Variants in NDUFA8 observed in about 807,000 individuals in gnomAD.
NDUFA8 encodes NADH dehydrogenase [ubiquinone] 1 alpha subcomplex subunit 8.
Under a neutral mutation model 20.9 loss-of-function variants are expected in NDUFA8, and 16 were observed. The observed-to-expected ratio is 0.77, with a 90% confidence interval of 0.52 to 1.16. The LOEUF is 1.16. Among genes scored for constraint, NDUFA8 ranks in the 50% most tolerant of loss-of-function variants. The pLI, the probability that NDUFA8 is intolerant of heterozygous loss-of-function variation, is 0.00. For missense variants in NDUFA8, 202 were observed against 216.4 expected, an observed-to-expected ratio of 0.93 and a Z score of 0.42; for synonymous variants, 70 against 76.1, an observed-to-expected ratio of 0.92 and a Z score of 0.41.
downstream of NDUFA8, among the ~76,000 whole-genome samples, chr9:122,141,775 A>T (rs1828824226): frequency 6.6e-6 from 1 of 152,150 alleles, no homozygotes; most frequent in Admixed American, 6.5e-5. Context: ...TTGTTGTGAG[A>T]GACTTAAGAA....
intron 3 of NDUFA8, among the ~76,000 whole-genome samples, chr9:122,146,785 A>G (rs1828910352): frequency 6.6e-6 from 1 of 152,230 alleles, no homozygotes; most frequent in African/African-American, 2.4e-5. Context: ...AGTCCCAGCT[A>G]CTTGGGAGGC....
At chr9:122,149,606 A>C (rs1828960346) in intron 2 of NDUFA8, among the ~76,000 whole-genome samples, 1 of 152,222 alleles carries the variant, frequency 6.6e-6, no homozygotes, top group Non-Finnish European at 1.5e-5. Flanking sequence ...TTCCCCGCTT[A>C]AAATGTACTA....
chr9:122,137,500 C>G, the NDUFA8 span, among the ~76,000 whole-genome samples: 1 of 152,138 alleles, frequency 6.6e-6, no homozygotes, highest in Non-Finnish European at 1.5e-5. Flanking sequence ...CCTGGCCTCC[C>G]AAAGTGCTGG....
At chr9:122,153,181 T>C (rs538554888) in intron 1 of NDUFA8, among the ~76,000 whole-genome samples, 1 of 151,344 alleles carries the variant, frequency 6.6e-6, no homozygotes, top group African/African-American at 2.4e-5. Context: ...GCATGAGAAT[T>C]GCTTGAACCC....
Position 122,159,204 on chromosome 9 carries a change from A to G in NDUFA8, c.51+423T>C, listed in dbSNP as rs1292494161. Among the ~76,000 whole-genome samples, 3 of 151,882 alleles carry G rather than the reference A, an allele frequency of 2.0e-5. No homozygotes were observed. In the East Asian group the frequency reaches 5.8e-4, roughly 29 times the overall value. The stretch of plus-strand genomic sequence containing the variant: ...TCCCGCGGCTTCGTCACCCCACTCT[A>G]TGCACTCTGCACCGGTGATACCACT... On this transcript the variant is annotated intron_variant, in intron 1 of 3. Coordinates refer to ENST00000373768, the MANE Select transcript of NDUFA8 (RefSeq NM_014222.3).
At chr9:122,136,830 C>T in the NDUFA8 span, among the ~76,000 whole-genome samples, 1 of 152,232 alleles carries the variant, frequency 6.6e-6, no homozygotes, top group Non-Finnish European at 1.5e-5. Flanking sequence ...GCTGGGATTA[C>T]AGGCGTGAGC....
intron 3 of NDUFA8, among the ~76,000 whole-genome samples, chr9:122,145,942 A>G (rs754766645): frequency 2.6e-5 from 4 of 151,124 alleles, no homozygotes; most frequent in Non-Finnish European, 5.9e-5. Flanking sequence ...TTGAGGTCAG[A>G]GTTCAAGACC....
chr9:122,146,633 T>C (rs1828908633), intron 3 of NDUFA8, among the ~76,000 whole-genome samples: 1 of 152,198 alleles, frequency 6.6e-6, no homozygotes, highest in Non-Finnish European at 1.5e-5. Flanking sequence ...CCGGGTATGG[T>C]GACCTGTAAT....
intron 3 of NDUFA8, among the ~76,000 whole-genome samples, chr9:122,145,107 C>G (rs1339588033): frequency 6.6e-6 from 1 of 152,208 alleles, no homozygotes; most frequent in Non-Finnish European, 1.5e-5. Flanking sequence ...CTTCTTAATA[C>G]CACACTACAG....
chr9:122,147,616 A>ATTT (rs1564408372), intron 3 of NDUFA8, among the ~76,000 whole-genome samples: 20 of 105,992 alleles, frequency 1.9e-4, no homozygotes, highest in African/African-American at 7.9e-4. Context: ...GGCCTAAAGA[A>ATTT]ATTTTTTTTT....
At chr9:122,154,559 CTT>C (rs1373662946) in intron 1 of NDUFA8, among the ~76,000 whole-genome samples, 8 of 152,182 alleles carry the variant, frequency 5.3e-5, no homozygotes, top group Non-Finnish European at 7.3e-5. Flanking sequence ...TTACTGAACT[CTT>C]GTTAGTTCTG....
chr9:122,159,433 G>A (rs984370380), intron 1 of NDUFA8, among the ~76,000 whole-genome samples, 194 bp downstream of exon 1: 3 of 152,136 alleles, frequency 2.0e-5, no homozygotes, highest in Non-Finnish European at 4.4e-5. Flanking sequence ...TGCAAGATGC[G>A]ACAGGGTGGG....
At position 122,148,178 on chromosome 9, in the gene NDUFA8, T is replaced by C; in HGVS notation, c.315A>G (p.Ala105=). ...TGTCCAGCACACACTCGTCAAACTTTGCCTGCTGTTTGCGACAGTGACGAA... is the reference window on the plus strand; with the variant it reads ...TGTCCAGCACACACTCGTCAAACTTCGCCTGCTGTTTGCGACAGTGACGAA... ...QLFRHCRKQQ[A]KFDECVLDKL... is the part of the protein sequence containing the mutation. Residue 105 remains alanine (A), a synonymous_variant, in exon 3 of 4, where the codon GCA becomes GCG. Coordinates refer to ENST00000373768, the MANE Select transcript of NDUFA8 (RefSeq NM_014222.3). 1 of 1,614,210 alleles carries C rather than the reference T, an allele frequency of 6.2e-7. No individual in the cohort carries two copies. The highest frequency in any genetic ancestry group is 8.5e-7 in the Non-Finnish European group (1 of 1,180,040).
chr9:122,136,971 T>A, the NDUFA8 span, among the ~76,000 whole-genome samples: 1 of 152,072 alleles, frequency 6.6e-6, no homozygotes, highest in South Asian at 2.1e-4. Context: ...TCCTCCAAGG[T>A]CCCAAGCACT....
At chr9:122,133,401 G>T in the NDUFA8 span, among the ~76,000 whole-genome samples, 3 of 152,188 alleles carry the variant, frequency 2.0e-5, no homozygotes, top group Non-Finnish European at 4.4e-5. Context: ...AGAGGACTCA[G>T]ACCAGTCCCA....
At chr9:122,135,818 G>C in the NDUFA8 span, among the ~76,000 whole-genome samples, 3 of 152,040 alleles carry the variant, frequency 2.0e-5, no homozygotes, top group Admixed American at 6.6e-5. Context: ...TGAGCTCCTG[G>C]GGTCAAGTGA....
intron 3 of NDUFA8, among the ~76,000 whole-genome samples, chr9:122,144,866 A>G (rs1828878688): frequency 6.6e-6 from 1 of 152,224 alleles, no homozygotes; most frequent in Non-Finnish European, 1.5e-5. Context: ...GAAAGACTAC[A>G]TATGAAGATA....
intron 1 of NDUFA8, among the ~76,000 whole-genome samples, chr9:122,158,014 G>A (rs1299156388): frequency 1.3e-5 from 2 of 150,204 alleles, no homozygotes; most frequent in African/African-American, 4.8e-5. Flanking sequence ...TTAGCCGGGT[G>A]TGGTGATGAG....
At chr9:122,149,911 C>T (rs987854827) in intron 2 of NDUFA8, among the ~76,000 whole-genome samples, 28 of 151,984 alleles carry the variant, frequency 1.8e-4, no homozygotes, top group African/African-American at 6.8e-4. Flanking sequence ...GAACAAAGAT[C>T]ACGCCACAGC....
Sources: gnomAD v4.1 joint callset for allele counts (sites outside exome capture counted in the v4.1 genomes callset) on GRCh38, gnomAD v4.1.1 for gene constraint, MANE v1.5 for transcripts, NCBI Gene and HGNC (gene_info 2026-07-23, HGNC 2026-07-21) for gene names.